FHL5: variants seen among roughly 807,000 people sequenced by gnomAD.
FHL5 encodes the protein four and a half LIM domains 5.
FHL5 carries 33 observed loss-of-function variants against 32.0 expected under a neutral mutation model. The observed-to-expected ratio is 1.03, with a 90% CI of 0.78 to 1.38. FHL5 has a LOEUF of 1.38. FHL5 is among the 40% of genes most tolerant of loss of function. FHL5 has a pLI of 0.00. For synonymous variants in FHL5, 114 were observed against 113.6 expected (o/e 1.00, Z -0.02); for missense variants, 336 against 343.9 (o/e 0.98, Z 0.18).
Position 96,610,655 on chromosome 6 carries a change from C to G in FHL5, c.588C>G (p.Leu196=), listed in dbSNP as rs1262992447. Residue 196 remains leucine, a synonymous_variant, in exon 5 of 6, where the codon CTC becomes CTG. Transcript: ENST00000450218. ...CFLCSGCRKD[L]CEEQFMSRDD... The stretch of plus-strand genomic sequence containing the variant: ...TGTGTAGTGGCTGTAGGAAAGATCT[C>G]TGTGAAGAACAGTTCATGTCCAGAG... 6.2e-7 allele frequency: 1 copy of G among 1,613,314 alleles called. No individual in the cohort carries two copies. The highest frequency in any genetic ancestry group is 1.1e-5 in the South Asian group (1 of 91,068).
intron 1 of FHL5, among the ~76,000 whole-genome samples, chr6:96,599,368 T>C (rs1477622929): frequency 1.3e-5 from 2 of 151,992 alleles, no homozygotes; most frequent in African/African-American, 4.8e-5. Flanking sequence ...GCTAATTTTA[T>C]ATTTTTAGTA....
intron 1 of FHL5, among the ~76,000 whole-genome samples, chr6:96,585,792 A>C (rs1770784455): frequency 1.3e-5 from 2 of 152,214 alleles, no homozygotes; most frequent in South Asian, 4.1e-4. Context: ...ATTGGAAACC[A>C]GAAGACCGTA....
intron 1 of FHL5, among the ~76,000 whole-genome samples, chr6:96,576,095 C>T (rs542459732): frequency 7.9e-5 from 12 of 152,298 alleles, no homozygotes; most frequent in Non-Finnish European, 2.9e-5. Flanking sequence ...TAGGAACCTC[C>T]ACCTACTTTG....
chr6:96,566,940 CT>C (rs1770370869), intron 1 of FHL5, among the ~76,000 whole-genome samples: 1 of 151,880 alleles, frequency 6.6e-6, no homozygotes, highest in Non-Finnish European at 1.5e-5. Flanking sequence ...TGCAGGTTGT[CT>C]TTTTTCTCTG....
intron 5 of FHL5, among the ~76,000 whole-genome samples, chr6:96,613,085 TAA>T (rs1252413607): frequency 3.3e-5 from 5 of 152,186 alleles, no homozygotes; most frequent in Non-Finnish European, 1.5e-5. Context: ...TGAAAATTGC[TAA>T]GAGAATAGAT....
At chr6:96,606,634 G>A (rs951228475) in intron 4 of FHL5, among the ~76,000 whole-genome samples, 2 of 152,170 alleles carry the variant, frequency 1.3e-5, no homozygotes, top group African/African-American at 2.4e-5. Context: ...TTACAGGCAT[G>A]AGCCACCACA....
chr6:96,583,612 C>T (rs970856113), intron 1 of FHL5, among the ~76,000 whole-genome samples: 3 of 151,978 alleles, frequency 2.0e-5, no homozygotes, highest in African/African-American at 4.8e-5. Context: ...CATTGGTGCC[C>T]GAAGTTTAGA....
At chr6:96,603,949 C>T (rs1338391768) in intron 2 of FHL5, among the ~76,000 whole-genome samples, 177 bp downstream of exon 2, 3 of 152,282 alleles carry the variant, frequency 2.0e-5, no homozygotes, top group East Asian at 1.9e-4. Context: ...CTATGAAATA[C>T]AACATATGCT....
chr6:96,563,552 C>CTTTTCA (rs1261838940), intron 1 of FHL5, among the ~76,000 whole-genome samples, 197 bp downstream of exon 1: 1 of 152,044 alleles, frequency 6.6e-6, no homozygotes, highest in Non-Finnish European at 1.5e-5. Flanking sequence ...ATATGCTGAG[C>CTTTTCA]TTTTCAGATT....
In FHL5 at chr6:96,616,027, A is replaced by C; in HGVS notation, c.*255A>C. 1 of 265,934 alleles carries C rather than the reference A, an allele frequency of 3.8e-6. No homozygotes were observed. The highest frequency in any genetic ancestry group is 1.2e-4 in the South Asian group (1 of 8,116). The allele number at this position is 265,934 out of a possible 1,614,324, so 16.5% of individuals were successfully genotyped here. ...GCACTCTGCTGTTAGAAGCAGAGGA[A>C]AATATCTCTTCATAATCAAATATAT... On this transcript the variant is annotated 3_prime_UTR_variant, in exon 6 of 6. Coordinates refer to ENST00000450218, the MANE Select transcript of FHL5 (RefSeq NM_001322466.2).
chr6:96,602,146 GC>G (rs1377701469), intron 1 of FHL5, among the ~76,000 whole-genome samples: 7 of 152,054 alleles, frequency 4.6e-5, no homozygotes, highest in African/African-American at 1.7e-4. Context: ...CTAGAATAAG[GC>G]AAAACGCATG....
chr6:96,610,675 C>G lies in FHL5; in HGVS notation c.608C>G (p.Ser203Cys). The G allele has an allele frequency of 6.2e-7, 1 of 1,613,036 alleles. No individual in the cohort carries two copies. Among genetic ancestry groups the G allele is most frequent in the Non-Finnish European group, 8.5e-7 (1 of 1,179,012 alleles). The change falls in exon 5 of 6, where the codon TCC becomes TGC. Residue 203 changes from serine (S) to cysteine (C), a missense_variant. Ser to Cys is a moderately radical substitution (Grantham distance 112). Transcript: ENST00000450218. ...GATCTCTGTGAAGAACAGTTCATGT[C>G]CAGAGACGACTATCCATTCTGCGTG... ...RKDLCEEQFMSRDDYPFCVDC... is the reference protein window; with the variant it reads ...RKDLCEEQFMCRDDYPFCVDC...
At chr6:96,582,038 A>G (rs550020956) in intron 1 of FHL5, among the ~76,000 whole-genome samples, 1 of 152,288 alleles carries the variant, frequency 6.6e-6, no homozygotes, top group East Asian at 1.9e-4. Flanking sequence ...GTCCTTACCT[A>G]TACTAAACCT....
intron 1 of FHL5, among the ~76,000 whole-genome samples, chr6:96,571,287 G>T (rs1362346109): frequency 6.6e-6 from 1 of 152,206 alleles, no homozygotes; most frequent in Non-Finnish European, 1.5e-5. Context: ...AACTGTGGGT[G>T]CCTCATAGCC....
chr6:96,567,829 T>A (rs1265255271), intron 1 of FHL5, among the ~76,000 whole-genome samples: 1 of 148,278 alleles, frequency 6.7e-6, no homozygotes, highest in Non-Finnish European at 1.5e-5. Flanking sequence ...TGTATTCTTT[T>A]TTTTTTTTTT....
chr6:96,601,312 C>A (rs192580388), intron 1 of FHL5, among the ~76,000 whole-genome samples: 1,665 of 152,210 alleles, frequency 0.011, 30 homozygotes, highest in African/African-American at 0.031. Context: ...CCAGCCTGGG[C>A]AATAGAGCAG....
chr6:96,572,455 A>G (rs1770499545), intron 1 of FHL5, among the ~76,000 whole-genome samples: 1 of 152,158 alleles, frequency 6.6e-6, no homozygotes, highest in African/African-American at 2.4e-5. Flanking sequence ...AGCTGTTAAC[A>G]GCACATATTG....
intron 1 of FHL5, among the ~76,000 whole-genome samples, chr6:96,567,825 C>CT (rs757441385): frequency 0.12 from 13,236 of 110,378 alleles, 918 homozygotes; most frequent in East Asian, 0.29. Context: ...TTTTTGTATT[C>CT]TTTTTTTTTT....
At chr6:96,587,221 C>A (rs534113336) in intron 1 of FHL5, among the ~76,000 whole-genome samples, 1 of 152,154 alleles carries the variant, frequency 6.6e-6, no homozygotes, top group Non-Finnish European at 1.5e-5. Context: ...CTTCACAATG[C>A]CCCTGCTCAT....
Sources: allele counts gnomAD v4.1 joint callset (sites outside exome capture counted in the v4.1 genomes callset), GRCh38; gene constraint gnomAD v4.1.1; transcripts MANE v1.5; gene names NCBI Gene and HGNC (gene_info 2026-07-23, HGNC 2026-07-21).